Variants in MNAT1 observed in about 807,000 individuals in gnomAD.
MNAT1 encodes CDK-activating kinase assembly factor MAT1.
Under a neutral mutation model 42.0 loss-of-function variants are expected in MNAT1, and 43 were observed. The observed-to-expected ratio is 1.02, with a 90% CI of 0.80 to 1.32. MNAT1 has a LOEUF of 1.32. Ranked by LOEUF, MNAT1 falls within the 40% of genes most tolerant of loss-of-function variation. The pLI, the probability that MNAT1 is intolerant of heterozygous loss-of-function variation, is 0.00. For missense variants in MNAT1, 306 were observed against 350.4 expected (o/e 0.87, Z 1.01); for synonymous variants, 118 against 120.0 (o/e 0.98, Z 0.11).
chr14:60,959,420 C>T (rs949442608), intron 7 of MNAT1, among the ~76,000 whole-genome samples: 1 of 152,204 alleles, frequency 6.6e-6, no homozygotes, highest in African/African-American at 2.4e-5. Context: ...CCAGTCTCTT[C>T]AGCAATCTGG....
chr14:60,818,455 A>G (rs2032782164), intron 5 of MNAT1, among the ~76,000 whole-genome samples: 1 of 151,976 alleles, frequency 6.6e-6, no homozygotes, highest in Admixed American at 6.6e-5. Flanking sequence ...TTTCGTTTTA[A>G]TAAATGTGGT....
chr14:60,749,167 C>G (rs1346613128), intron 1 of MNAT1, among the ~76,000 whole-genome samples: 1 of 152,076 alleles, frequency 6.6e-6, no homozygotes, highest in East Asian at 1.9e-4. Flanking sequence ...CAGATTTGTA[C>G]CTGCAGGTAT....
intron 6 of MNAT1, among the ~76,000 whole-genome samples, chr14:60,828,370 A>G (rs1168536461): frequency 6.6e-6 from 1 of 152,044 alleles, no homozygotes; most frequent in Admixed American, 6.6e-5. Context: ...AGCCCAGTAA[A>G]TTGTGATTGA....
chr14:60,780,064 C>T (rs1417663541), intron 1 of MNAT1: 2 of 1,483,060 alleles, frequency 1.3e-6, no homozygotes, highest in Non-Finnish European at 1.9e-6. Flanking sequence ...TCGGCATCAA[C>T]AGCATTTTAT....
At chr14:60,821,120 C>T (rs1324659356) in intron 6 of MNAT1, among the ~76,000 whole-genome samples, 1 of 152,144 alleles carries the variant, frequency 6.6e-6, no homozygotes, top group Non-Finnish European at 1.5e-5. Flanking sequence ...GTATCTTTCT[C>T]CTGCCCCCAT....
Position 60,813,583 on chromosome 14 carries a change from G to A in MNAT1, c.561+1456G>A, listed in dbSNP as rs183553977. ...CCATATTAGTAAAAGAGCCCACTCA[G>A]TTACAAAGGGAATGGATATAGATCT... On this transcript the variant is annotated intron_variant, in intron 5 of 7. Coordinates refer to ENST00000261245, the MANE Select transcript of MNAT1 (RefSeq NM_002431.4). Among the ~76,000 whole-genome samples the A allele has an allele frequency of 1.9e-4, 29 of 152,316 alleles. 1 individual carries two copies. The highest frequency in any genetic ancestry group is 1.8e-3 in the Admixed American group (27 of 15,304).
chr14:60,929,553 T>C (rs2035842440), intron 7 of MNAT1, among the ~76,000 whole-genome samples: 1 of 152,138 alleles, frequency 6.6e-6, no homozygotes, highest in Admixed American at 6.5e-5. Flanking sequence ...TATTCTTTCC[T>C]CACTGAACTC....
chr14:60,759,222 C>G (rs949327765), intron 1 of MNAT1, among the ~76,000 whole-genome samples: 1 of 152,168 alleles, frequency 6.6e-6, no homozygotes, highest in Non-Finnish European at 1.5e-5. Context: ...GTAATATATG[C>G]TAAAAATCCA....
intron 1 of MNAT1, among the ~76,000 whole-genome samples, chr14:60,772,446 G>A (rs1460760417): frequency 6.6e-6 from 1 of 152,126 alleles, no homozygotes; most frequent in Non-Finnish European, 1.5e-5. Flanking sequence ...TTAGCCCGGT[G>A]TGGTGGCAGG....
chr14:60,757,813 T>C (rs1470729901), intron 1 of MNAT1, among the ~76,000 whole-genome samples: 1 of 152,224 alleles, frequency 6.6e-6, no homozygotes, highest in Non-Finnish European at 1.5e-5. Flanking sequence ...GTGTATTGAT[T>C]CTGATGCTTT....
intron 7 of MNAT1, among the ~76,000 whole-genome samples, chr14:60,918,648 G>T (rs545878003): frequency 6.6e-6 from 1 of 151,048 alleles, no homozygotes; most frequent in Admixed American, 6.6e-5. Flanking sequence ...GTTGACACAC[G>T]TACTTTTAGC....
intron 7 of MNAT1, among the ~76,000 whole-genome samples, chr14:60,885,398 G>A (rs186656997): frequency 4.7e-4 from 71 of 151,370 alleles, no homozygotes; most frequent in African/African-American, 1.6e-3. Context: ...ATTTTGTTTT[G>A]TTTTCTTTGA....
At chr14:60,917,265 C>A (rs1382769421) in intron 7 of MNAT1, among the ~76,000 whole-genome samples, 1 of 149,554 alleles carries the variant, frequency 6.7e-6, no homozygotes, top group Non-Finnish European at 1.5e-5. Flanking sequence ...TATTGTAATG[C>A]TTCATGGAAT....
intron 7 of MNAT1, among the ~76,000 whole-genome samples, chr14:60,938,133 C>G (rs899630636): frequency 2.0e-5 from 3 of 152,092 alleles, no homozygotes. Flanking sequence ...TGGGCCAAGG[C>G]GATGGGATTT....
chr14:60,900,689 A>T (rs548891323), intron 7 of MNAT1, among the ~76,000 whole-genome samples: 2 of 152,248 alleles, frequency 1.3e-5, no homozygotes, highest in East Asian at 3.9e-4. Context: ...CGTCTATTGG[A>T]AGGAGATGCC....
intron 1 of MNAT1, among the ~76,000 whole-genome samples, chr14:60,752,106 A>T (rs1446886854): frequency 6.6e-6 from 1 of 152,212 alleles, no homozygotes. Flanking sequence ...TTTCTAAAAA[A>T]ATCATCATAT....
At chr14:60,811,962 C>T (rs370033498) in intron 4 of MNAT1, 25 bp from the exon 5 acceptor site, 43 of 1,536,746 alleles carry the variant, frequency 2.8e-5, no homozygotes, top group Middle Eastern at 3.5e-4. Flanking sequence ...ATTTATTCCA[C>T]GCCATATATA....
chr14:60,876,897 G>A (rs1371815393), intron 6 of MNAT1, among the ~76,000 whole-genome samples: 1 of 151,908 alleles, frequency 6.6e-6, no homozygotes, highest in African/African-American at 2.4e-5. Flanking sequence ...AATATGCATT[G>A]GTGTACAAAT....
intron 6 of MNAT1, among the ~76,000 whole-genome samples, chr14:60,835,457 A>C (rs182002088): frequency 5.6e-4 from 86 of 152,244 alleles, no homozygotes; most frequent in East Asian, 5.4e-3. Flanking sequence ...ATCTCTCAGC[A>C]TTTGCTTCTC....
Sources: gnomAD v4.1 joint callset for allele counts (sites outside exome capture counted in the v4.1 genomes callset) on GRCh38, gnomAD v4.1.1 for gene constraint, MANE v1.5 for transcripts, NCBI Gene and HGNC (gene_info 2026-07-23, HGNC 2026-07-21) for gene names.